Variants in RELN observed in about 807,000 individuals in gnomAD.
RELN encodes the protein reelin.
A neutral mutation model predicts 427.6 loss-of-function variants in RELN; 108 were observed. The observed-to-expected ratio is 0.25, with a 90% CI of 0.22 to 0.30. RELN has a LOEUF of 0.30. RELN is among the 10% of genes least tolerant of loss of function. The pLI, the probability that RELN is intolerant of heterozygous loss-of-function variation, is 1.00. For missense variants in RELN, 3,715 were observed against 4,302.8 expected (o/e 0.86, Z 3.82); for synonymous variants, 1,524 against 1,513.4 (o/e 1.01, Z -0.16).
At chr7:103,957,893 C>T (rs935434887) in intron 1 of RELN, among the ~76,000 whole-genome samples, 8 of 152,168 alleles carry the variant, frequency 5.3e-5, no homozygotes, top group Non-Finnish European at 1.0e-4. Context: ...TAGTAATAGT[C>T]TGAAGGATAA....
At chr7:103,876,979 T>C (rs944901476) in intron 2 of RELN, among the ~76,000 whole-genome samples, 1 of 152,100 alleles carries the variant, frequency 6.6e-6, no homozygotes, top group Non-Finnish European at 1.5e-5. Flanking sequence ...CTCCATAGCT[T>C]TGACCTCCTC....
rs1584378671 is a variant in RELN, at chr7:103,652,579, C to T, written c.1735G>A (p.Gly579Arg). Residue 579 changes from glycine (G) to arginine (R), a missense_variant, in exon 14 of 65, where the codon GGA (glycine) becomes AGA (arginine). Coordinates refer to ENST00000428762, the MANE Select transcript of RELN (RefSeq NM_005045.4). ...SHMIQFSINL[G>R]CGTHQPGNSV... ...TTACCAGGCTGATGCGTTCCACATC[C>T]CAGATTGATGGAAAACTGTATCATG... is the stretch of plus-strand genomic sequence containing the variant. 6.2e-7 allele frequency: 1 copy of T among 1,612,664 alleles called. No individual in the cohort carries two copies. The highest frequency in any genetic ancestry group is 1.3e-5 in the African/African-American group (1 of 74,908).
Position 103,497,806 on chromosome 7 carries a change from C to G in RELN, c.8950+14G>C. The G allele has an allele frequency of 6.2e-7, 1 of 1,611,646 alleles. No individual in the cohort carries two copies. Among genetic ancestry groups the G allele is most frequent in the African/African-American group, 1.3e-5 (1 of 74,992 alleles). ...AATCTGCTCCAAGGGGTGGTTTTCACCCCTGACACATGCCTCCATCGGTAG... is the reference window on the plus strand; with the variant it reads ...AATCTGCTCCAAGGGGTGGTTTTCAGCCCTGACACATGCCTCCATCGGTAG... On this transcript the variant is annotated intron_variant, in intron 55 of 64. Coordinates refer to ENST00000428762, the MANE Select transcript of RELN (RefSeq NM_005045.4).
chr7:103,850,466 C>T (rs760502377), intron 2 of RELN, among the ~76,000 whole-genome samples: 4 of 152,274 alleles, frequency 2.6e-5, no homozygotes, highest in South Asian at 2.1e-4. Flanking sequence ...GGTTGCCAGG[C>T]GGCCCATTCC....
At chr7:103,636,032 C>G (rs183586435) in intron 18 of RELN, among the ~76,000 whole-genome samples, 1 of 152,290 alleles carries the variant, frequency 6.6e-6, no homozygotes, top group African/African-American at 2.4e-5. Flanking sequence ...CCTAGTCAGT[C>G]ATTAATATCC....
At chr7:103,687,405 C>A (rs1011609223) in intron 10 of RELN, among the ~76,000 whole-genome samples, 1 of 152,042 alleles carries the variant, frequency 6.6e-6, no homozygotes, top group African/African-American at 2.4e-5. Flanking sequence ...AAAGTTAGAG[C>A]TATTTGATCT....
At chr7:103,673,040 C>A (rs939611448) in intron 11 of RELN, among the ~76,000 whole-genome samples, 1 of 152,008 alleles carries the variant, frequency 6.6e-6, no homozygotes, top group East Asian at 1.9e-4. Flanking sequence ...CTCATAAGGG[C>A]AAATATACAG....
chr7:103,574,520 A>T (rs911371941), intron 29 of RELN, among the ~76,000 whole-genome samples: 1 of 152,228 alleles, frequency 6.6e-6, no homozygotes, highest in Non-Finnish European at 1.5e-5. Context: ...TTTAATAGAG[A>T]CAGACATTGG....
In RELN at chr7:103,914,814, C is replaced by T. The variant is rs73712293; in HGVS notation, c.337+2261G>A. Among the ~76,000 whole-genome samples, 1,011 of 152,162 alleles carry T rather than the reference C, an allele frequency of 6.6e-3. 11 individuals carry two copies. The highest frequency in any genetic ancestry group is 0.022 in the African/African-American group (908 of 41,522). ...CTGGCTCCTTCTTGTTGCCGATGCC[C>T]GCCTGTACTTTGGACACCTTACACG... is the stretch of plus-strand genomic sequence containing the variant. On this transcript the variant is annotated intron_variant, in intron 2 of 64. Transcript: ENST00000428762.
chr7:103,755,820 A>G (rs974468655), intron 4 of RELN, among the ~76,000 whole-genome samples: 1 of 149,372 alleles, frequency 6.7e-6, no homozygotes, highest in Non-Finnish European at 1.5e-5. Flanking sequence ...CTCAAGAAAA[A>G]AAAAAAAAAA....
chr7:103,515,744 G>A (rs1829551365), intron 49 of RELN, among the ~76,000 whole-genome samples: 1 of 152,184 alleles, frequency 6.6e-6, no homozygotes, highest in Non-Finnish European at 1.5e-5. Context: ...GTGGGTATCT[G>A]TAGGCCTAGA....
chr7:103,956,447 TGA>T (rs1363094549), intron 1 of RELN, among the ~76,000 whole-genome samples: 2 of 152,086 alleles, frequency 1.3e-5, no homozygotes, highest in African/African-American at 2.4e-5. Flanking sequence ...AGACACGAAA[TGA>T]GAGTTCTAAT....
chr7:103,742,880 G>C (rs1418675025), intron 6 of RELN, among the ~76,000 whole-genome samples: 1 of 152,082 alleles, frequency 6.6e-6, no homozygotes, highest in Non-Finnish European at 1.5e-5. Context: ...TAGCAAGGCA[G>C]GCCAACATTC....
chr7:103,484,178 C>T (rs1828344149), intron 61 of RELN: 2 of 318,538 alleles, frequency 6.3e-6, no homozygotes, highest in Non-Finnish European at 6.0e-6. Flanking sequence ...CTGTGCCCGG[C>T]TGGGAAATCA....
At chr7:103,861,955 C>G (rs1415929563) in intron 2 of RELN, among the ~76,000 whole-genome samples, 2 of 151,916 alleles carry the variant, frequency 1.3e-5, no homozygotes, top group Non-Finnish European at 2.9e-5. Flanking sequence ...TAAAAAGAAG[C>G]AGAAGAGAGG....
At chr7:103,572,466 C>A (rs1013738619) in intron 30 of RELN, among the ~76,000 whole-genome samples, 6 of 152,116 alleles carry the variant, frequency 3.9e-5, no homozygotes, top group Non-Finnish European at 5.9e-5. Context: ...TATGACCATT[C>A]ATTTTATTCT....
chr7:103,575,834 A>T, intron 28 of RELN, 129 bp from the exon 29 acceptor site: 1 of 1,010,212 alleles, frequency 9.9e-7, no homozygotes, highest in Non-Finnish European at 1.5e-6. Context: ...GCTTGACTGC[A>T]CTTAACCTTC....
chr7:103,787,202 T>G (rs975077201), intron 3 of RELN, among the ~76,000 whole-genome samples: 1 of 151,948 alleles, frequency 6.6e-6, no homozygotes, highest in Non-Finnish European at 1.5e-5. Flanking sequence ...AAAAGCAGTG[T>G]TTAGAGGGAA....
At chr7:103,704,432 A>G (rs1301568773) in intron 8 of RELN, among the ~76,000 whole-genome samples, 1 of 152,116 alleles carries the variant, frequency 6.6e-6, no homozygotes, top group Non-Finnish European at 1.5e-5. Context: ...TAATGCCCTC[A>G]TCTTTCACCA....
Sources: gnomAD v4.1 joint callset for allele counts (sites outside exome capture counted in the v4.1 genomes callset) on GRCh38, gnomAD v4.1.1 for gene constraint, MANE v1.5 for transcripts, NCBI Gene and HGNC (gene_info 2026-07-23, HGNC 2026-07-21) for gene names.